The following TAF5 variants were observed in gnomAD, a reference collection of about 807,000 sequenced individuals.
TAF5 encodes the protein transcription initiation factor TFIID subunit 5.
In TAF5, 20 loss-of-function variants were observed where a neutral mutation model predicts 80.9. The ratio of observed to expected loss-of-function variants is 0.25; its 90% CI spans 0.17 to 0.36. TAF5 has a LOEUF of 0.36. Among genes scored for constraint, TAF5 ranks in the 10% least tolerant of loss-of-function variants. The pLI is 1.00. For synonymous variants in TAF5, 388 were observed against 406.4 expected (o/e 0.95, Z 0.55); for missense variants, 863 against 1,029.4 (o/e 0.84, Z 2.21).
chr10:103,373,493 A>G lies in TAF5; in HGVS notation c.695A>G (p.His232Arg), dbSNP rs759442405. The change falls in exon 2 of 11, where the codon CAT becomes CGT. Residue 232 changes from histidine to arginine, a missense_variant. Physicochemically the swap from His to Arg is conservative, Grantham distance 29. This residue lies in a region of TAF5 where 128 missense variants were observed against 232.2 expected (regional missense o/e 0.55). Transcript: ENST00000369839. ...TTCATTGAATGTTCCCTGGACTGCC[A>G]TCGGGCAGAGTTGTCCCAACTTTTT... ...KHFIECSLDCHRAELSQLFYP... is the reference protein window; with the variant it reads ...KHFIECSLDCRRAELSQLFYP... The G allele has an allele frequency of 1.9e-6, 3 of 1,614,252 alleles. No individual in the cohort carries two copies. The highest frequency in any genetic ancestry group is 1.1e-5 in the South Asian group (1 of 91,086).
chr10:103,375,999 A>G (rs1428917056), intron 2 of TAF5, among the ~76,000 whole-genome samples: 1 of 150,650 alleles, frequency 6.6e-6, no homozygotes, highest in Non-Finnish European at 1.5e-5. Context: ...CAGAGGTTGC[A>G]GTGAGCTGAG....
intron 5 of TAF5, among the ~76,000 whole-genome samples, chr10:103,381,138 G>C (rs1478045085): frequency 6.6e-6 from 1 of 151,580 alleles, no homozygotes. Flanking sequence ...CAGTAGAGAA[G>C]GGGTTTCACC....
Position 103,388,067 on chromosome 10 carries a change from C to T in TAF5, c.2247C>T (p.Thr749=), listed in dbSNP as rs370722739. 1.3e-5 allele frequency: 21 copies of T among 1,613,878 alleles called. No homozygotes were observed. Among genetic ancestry groups the T allele is most frequent in the Middle Eastern group, 1.6e-4 (1 of 6,080 alleles). Residue 749 remains threonine (T), a synonymous_variant, in exon 11 of 11, where the codon ACC becomes ACT. Transcript: ENST00000369839. ...TCAAAGCCTTTGAAGATTTAGAGAC[C>T]GATGACTTTACTACAGCCACTGGGC... ...DAIKAFEDLE[T]DDFTTATGHI... is the part of the protein sequence containing the mutation.
At chr10:103,384,807 T>C (rs1343985665) in intron 7 of TAF5, among the ~76,000 whole-genome samples, 2 of 152,222 alleles carry the variant, frequency 1.3e-5, no homozygotes, top group Non-Finnish European at 2.9e-5. Context: ...TATCAATCTT[T>C]TGTGTTTATG....
intron 5 of TAF5, 88 bp downstream of exon 5, chr10:103,380,107 A>C: frequency 7.0e-7 from 1 of 1,431,708 alleles, no homozygotes; most frequent in Non-Finnish European, 9.3e-7. Context: ...TATTAGCTAA[A>C]ATGGAGTTTC....
At chr10:103,384,508 G>A (rs1043113618) in intron 7 of TAF5, among the ~76,000 whole-genome samples, 2 of 152,166 alleles carry the variant, frequency 1.3e-5, no homozygotes, top group African/African-American at 4.8e-5. Context: ...GCGCCCACCT[G>A]TAATCCTGGC....
At chr10:103,387,383 A>C (rs771465438) in intron 9 of TAF5, 31 bp downstream of exon 9, 6 of 1,572,198 alleles carry the variant, frequency 3.8e-6, no homozygotes, top group South Asian at 3.5e-5. Context: ...TCCAGCATCC[A>C]AGGTTGCTTT....
chr10:103,384,015 GT>G (rs1446195090), intron 7 of TAF5, among the ~76,000 whole-genome samples: 1 of 150,562 alleles, frequency 6.6e-6, no homozygotes, highest in Non-Finnish European at 1.5e-5. Context: ...CAAAGCTTTA[GT>G]TTTATAGAAC....
chr10:103,370,612 C>G (rs1051165112), intron 1 of TAF5, among the ~76,000 whole-genome samples: 9 of 151,894 alleles, frequency 5.9e-5, no homozygotes, highest in Non-Finnish European at 1.2e-4. Context: ...CAGGCGTGAG[C>G]CACCGTGCCC....
chr10:103,368,869 A>G (rs1015320276), intron 1 of TAF5, among the ~76,000 whole-genome samples: 2 of 152,224 alleles, frequency 1.3e-5, no homozygotes, highest in Non-Finnish European at 2.9e-5. Flanking sequence ...TCCGCATGAC[A>G]CTAACAGTGT....
intron 1 of TAF5, among the ~76,000 whole-genome samples, chr10:103,372,342 C>CT (rs911589828): frequency 1.1e-4 from 15 of 130,606 alleles, no homozygotes; most frequent in South Asian, 2.5e-4. Flanking sequence ...GTGGCTCGTA[C>CT]TTTTTTTTTT....
chr10:103,383,955 T>C (rs1195972532), intron 7 of TAF5, among the ~76,000 whole-genome samples: 2 of 27,826 alleles, frequency 7.2e-5, no homozygotes, highest in African/African-American at 1.2e-4. Context: ...AGTATTTCCC[T>C]TTTTTTTTTT....
chr10:103,377,792 T>C (rs2093373173), intron 2 of TAF5, among the ~76,000 whole-genome samples: 2 of 152,302 alleles, frequency 1.3e-5, no homozygotes, highest in Non-Finnish European at 2.9e-5. Flanking sequence ...ACTGTGTACA[T>C]TGAGTTCATT....
chr10:103,384,819 T>C (rs556805056), intron 7 of TAF5, among the ~76,000 whole-genome samples: 90 of 152,338 alleles, frequency 5.9e-4, no homozygotes, highest in Non-Finnish European at 1.0e-3. Context: ...GTGTTTATGC[T>C]TGAAAAAGGT....
chr10:103,371,941 GTT>G (rs201273075), intron 1 of TAF5, among the ~76,000 whole-genome samples: 3 of 143,306 alleles, frequency 2.1e-5, no homozygotes. Context: ...CCTTGTTATT[GTT>G]TTTTTTTTTT....
In TAF5 at chr10:103,368,402, G is replaced by A; in HGVS notation, c.413G>A (p.Ser138Asn). Reference protein sequence around the residue: ...AGSGAPGEVDSAGAEVTSALL... With the variant: ...AGSGAPGEVDNAGAEVTSALL... ...TCCGGAGCCCCGGGAGAGGTGGACA[G>A]CGCCGGCGCTGAGGTGACCAGCGCG... The change falls in exon 1 of 11, where the codon AGC (serine) becomes AAC (asparagine). Residue 138 changes from serine to asparagine, a missense_variant. By Grantham distance (46) the Ser-to-Asn change is conservative. This residue lies in a region of TAF5 where 367 missense variants were observed against 335.5 expected (regional missense o/e 1.09). Transcript: ENST00000369839. 2.6e-6 allele frequency: 4 copies of A among 1,566,520 alleles called. No individual in the cohort carries two copies. The highest frequency in any genetic ancestry group is 3.4e-6 in the Non-Finnish European group (4 of 1,165,632).
chr10:103,387,771 G>C lies in TAF5; in HGVS notation c.2185+73G>C, dbSNP rs1194252739. On this transcript the variant is annotated intron_variant, in intron 10 of 10. Transcript: ENST00000369839. ...ACAGTGTTGACGACTGCAATACTAA[G>C]TCCTTATGTTTTAGGTTTTACTTCC... The C allele has an allele frequency of 2.8e-6, 4 of 1,437,892 alleles. No individual in the cohort carries two copies. The Admixed American group carries it at 6.3e-5, about 23-fold the overall frequency. 89.1% of individuals were successfully genotyped at this position (1,437,892 alleles called of 1,614,324 possible).
chr10:103,368,517 T>C lies in TAF5; in HGVS notation c.528T>C (p.Gly176=), dbSNP rs763472567. ...TGASGATVVS[G]SASGPAAPGK... ...CTTCGGGGGCCACGGTCGTCTCAGG[T>C]TCAGCCTCAGGTCCTGCGGCTCCGG... The change falls in exon 1 of 11, where the codon GGT becomes GGC. Residue 176 remains glycine (G), a synonymous_variant. Transcript: ENST00000369839. 1.3e-6 allele frequency: 2 copies of C among 1,560,286 alleles called. No homozygotes were observed. The highest frequency in any genetic ancestry group is 3.7e-5 in the Admixed American group (2 of 53,874).
chr10:103,372,613 C>T (rs1288849495), intron 1 of TAF5, among the ~76,000 whole-genome samples: 4 of 150,310 alleles, frequency 2.7e-5, no homozygotes, highest in African/African-American at 7.3e-5. Flanking sequence ...GGATTACAGG[C>T]GGGAGCCACC....
Sources: gnomAD v4.1 joint callset for allele counts (sites outside exome capture counted in the v4.1 genomes callset) on GRCh38, gnomAD v4.1.1 for gene constraint, gnomAD v4.1.1 regional missense constraint, MANE v1.5 for transcripts, NCBI Gene and HGNC (gene_info 2026-07-23, HGNC 2026-07-21) for gene names.